NELL1: variants seen among roughly 807,000 people sequenced by gnomAD.
NELL1 encodes the protein neural EGFL like 1, also known as protein kinase C-binding protein NELL1.
Under a neutral mutation model 107.4 loss-of-function variants are expected in NELL1, and 76 were observed. The observed-to-expected ratio is 0.71, with a 90% CI of 0.59 to 0.86. The LOEUF (loss-of-function observed/expected upper bound fraction) is 0.86, where lower values mean the gene tolerates loss of function less well. NELL1 is among the 40% of genes least tolerant of loss of function. NELL1 has a pLI of 0.00. For synonymous variants in NELL1, 353 were observed against 341.2 expected, an observed-to-expected ratio of 1.03 and a Z score of -0.38; for missense variants, 1,024 against 1,005.5, an observed-to-expected ratio of 1.02 and a Z score of -0.25.
At chr11:20,721,642 T>C (rs544340379) in intron 2 of NELL1, among the ~76,000 whole-genome samples, 172 of 152,320 alleles carry the variant, frequency 1.1e-3, no homozygotes, top group African/African-American at 4.0e-3. Flanking sequence ...AATTCTCCTC[T>C]AGGGAGGGGC....
chr11:21,114,893 A>G (rs989096571), intron 13 of NELL1, among the ~76,000 whole-genome samples: 9 of 152,064 alleles, frequency 5.9e-5, no homozygotes, highest in African/African-American at 2.2e-4. Context: ...TACAGGGCCT[A>G]TCAATCTGTT....
intron 16 of NELL1, among the ~76,000 whole-genome samples, chr11:21,547,110 C>T (rs748457321): frequency 2.0e-5 from 3 of 151,218 alleles, no homozygotes; most frequent in Admixed American, 6.6e-5. Flanking sequence ...ATCAGTAAAA[C>T]ATAAAAGACT....
chr11:20,957,289 G>C (rs527870303), intron 11 of NELL1, among the ~76,000 whole-genome samples: 1 of 152,310 alleles, frequency 6.6e-6, no homozygotes, highest in South Asian at 2.1e-4. Context: ...AGAAAATCTT[G>C]CATTCCTAAA....
intron 12 of NELL1, among the ~76,000 whole-genome samples, chr11:21,017,776 A>G (rs756232934): frequency 2.1e-4 from 32 of 152,080 alleles, no homozygotes; most frequent in Non-Finnish European, 3.2e-4. Context: ...CTATTTCTAA[A>G]TGCAAACTTG....
At chr11:21,448,831 T>C (rs983499300) in intron 15 of NELL1, among the ~76,000 whole-genome samples, 1 of 152,214 alleles carries the variant, frequency 6.6e-6, no homozygotes, top group Non-Finnish European at 1.5e-5. Flanking sequence ...TCCTATTTTA[T>C]CAGACATTTT....
chr11:20,677,963 G>A lies in NELL1; in HGVS notation c.87G>A (p.Gln29=). 6.2e-7 allele frequency: 1 copy of A among 1,614,132 alleles called. No individual in the cohort carries two copies. The highest frequency in any genetic ancestry group is 1.3e-5 in the African/African-American group (1 of 75,038). Residue 29 remains glutamine, a synonymous_variant, in exon 2 of 20, where the codon CAG becomes CAA. Transcript: ENST00000357134. ...GCTTTGGGATGGACCCTGACCTTCA[G>A]ATGGATATCGTCACCGAGCTTGACC... ...VVGFGMDPDL[Q]MDIVTELDLV...
chr11:20,815,376 G>A lies in NELL1; in HGVS notation c.335+31546G>A, dbSNP rs1182257324. ...GCTGGGATTACAAGCATAAGCCACC[G>A]TGCCTGCCTGTGGTTTGCATTTCTC... On this transcript the variant is annotated intron_variant, in intron 3 of 19. Coordinates refer to ENST00000357134, the MANE Select transcript of NELL1 (RefSeq NM_006157.5). 1.6e-4 allele frequency among the ~76,000 whole-genome samples: 24 copies of A among 152,194 alleles called. 1 individual carries two copies. Among genetic ancestry groups the A allele is most frequent in the Admixed American group, 1.1e-3 (17 of 15,288 alleles).
chr11:21,336,705 A>G (rs1417484533), intron 14 of NELL1, among the ~76,000 whole-genome samples: 1 of 133,108 alleles, frequency 7.5e-6, no homozygotes, highest in Non-Finnish European at 1.6e-5. Context: ...AACAGAAATC[A>G]GAATGAAATG....
intron 15 of NELL1, among the ~76,000 whole-genome samples, chr11:21,496,682 A>G (rs777915223): frequency 3.3e-5 from 5 of 152,174 alleles, no homozygotes; most frequent in Non-Finnish European, 7.3e-5. Context: ...GTGCTGGGTT[A>G]CAGGCGTGAG....
At chr11:21,537,196 A>C (rs1371906673) in intron 16 of NELL1, among the ~76,000 whole-genome samples, 1 of 152,168 alleles carries the variant, frequency 6.6e-6, no homozygotes, top group Non-Finnish European at 1.5e-5. Flanking sequence ...TTGGTTCAGA[A>C]TATTTCTTGG....
At chr11:20,766,402 AAGGTG>A (rs1856529193) in intron 2 of NELL1, among the ~76,000 whole-genome samples, 1 of 152,224 alleles carries the variant, frequency 6.6e-6, no homozygotes, top group South Asian at 2.1e-4. Context: ...GGAAAGACAC[AAGGTG>A]GTTGGCATTC....
At chr11:20,935,156 G>C (rs527793019) in intron 9 of NELL1, among the ~76,000 whole-genome samples, 1 of 152,280 alleles carries the variant, frequency 6.6e-6, no homozygotes, top group South Asian at 2.1e-4. Context: ...CCCTCATGGG[G>C]GTTGCAATTA....
chr11:21,437,753 T>C (rs1254485474), intron 15 of NELL1, among the ~76,000 whole-genome samples: 1 of 152,258 alleles, frequency 6.6e-6, no homozygotes, highest in Non-Finnish European at 1.5e-5. Flanking sequence ...TTGTATGGTA[T>C]ATCTCTTTCT....
intron 15 of NELL1, among the ~76,000 whole-genome samples, chr11:21,378,957 A>C (rs1350666822): frequency 6.6e-6 from 1 of 151,914 alleles, no homozygotes; most frequent in African/African-American, 2.4e-5. Context: ...GCCTAATGAG[A>C]TCCACCTGCC....
intron 13 of NELL1, among the ~76,000 whole-genome samples, chr11:21,127,742 G>A (rs1174819434): frequency 1.3e-5 from 2 of 152,104 alleles, no homozygotes; most frequent in African/African-American, 4.8e-5. Flanking sequence ...TGCATTTGTA[G>A]TCTACATTGT....
At chr11:20,966,321 C>A (rs945547902) in intron 12 of NELL1, among the ~76,000 whole-genome samples, 18 of 152,018 alleles carry the variant, frequency 1.2e-4, no homozygotes, top group African/African-American at 4.3e-4. Context: ...GAGGGCAGAG[C>A]CATCATGTCC....
At chr11:20,767,175 C>T (rs1473303987) in intron 2 of NELL1, among the ~76,000 whole-genome samples, 1 of 152,124 alleles carries the variant, frequency 6.6e-6, no homozygotes, top group Non-Finnish European at 1.5e-5. Context: ...AGCTGCGGAC[C>T]TTCGCGGTGA....
chr11:21,554,752 A>T (rs1374986378), intron 16 of NELL1, among the ~76,000 whole-genome samples: 1 of 151,848 alleles, frequency 6.6e-6, no homozygotes, highest in Non-Finnish European at 1.5e-5. Flanking sequence ...TGGGACCAAG[A>T]CTCAGAGATG....
chr11:20,794,648 G>T (rs898718149), intron 3 of NELL1, among the ~76,000 whole-genome samples: 1 of 152,000 alleles, frequency 6.6e-6, no homozygotes, highest in African/African-American at 2.4e-5. Context: ...GCATACAAAA[G>T]AAACTCAATA....
Sources: gnomAD v4.1 joint callset for allele counts (sites outside exome capture counted in the v4.1 genomes callset) on GRCh38, gnomAD v4.1.1 for gene constraint, MANE v1.5 for transcripts, NCBI Gene and HGNC (gene_info 2026-07-23, HGNC 2026-07-21) for gene names.